The following ZNF569 variants were observed in gnomAD, a reference collection of about 807,000 sequenced individuals.
ZNF569 encodes zinc finger protein 569, also known as DNA-binding protein.
A neutral mutation model predicts 56.3 loss-of-function variants in ZNF569; 38 were observed. The observed-to-expected ratio is 0.68, with a 90% CI of 0.52 to 0.88. The LOEUF is 0.88. Ranked by LOEUF, ZNF569 falls within the 40% of genes least tolerant of loss-of-function variation. ZNF569 has a pLI of 0.00. For synonymous variants in ZNF569, 241 were observed against 262.9 expected (o/e 0.92, Z 0.81); for missense variants, 666 against 809.2 (o/e 0.82, Z 2.15).
intron 3 of ZNF569, among the ~76,000 whole-genome samples, chr19:37,433,246 A>G (rs2041254986): frequency 6.6e-6 from 1 of 152,206 alleles, no homozygotes; most frequent in Non-Finnish European, 1.5e-5. Flanking sequence ...AGAATTGATC[A>G]AGCAGAGGAA....
At position 37,412,987 on chromosome 19, in the gene ZNF569, T is replaced by G. The variant is rs2040863365; in HGVS notation, c.1671A>C (p.Lys557Asn). Residue 557 changes from lysine (K) to asparagine (N), a missense_variant, in exon 6 of 6, where the codon AAA becomes AAC. By Grantham distance (94) the Lys-to-Asn change is moderately conservative. Transcript: ENST00000316950. ...EKPYECDKCG[K>N]AFSQCSLLNL... ...TAAGCAGTGAGCACTGAGAGAAGGC[T>G]TTACCACATTTATCACATTCATAAG... The G allele has an allele frequency of 1.2e-6, 2 of 1,613,790 alleles. No homozygotes were observed. The highest frequency in any genetic ancestry group is 1.7e-6 in the Non-Finnish European group (2 of 1,179,876).
chr19:37,454,537 G>C (rs2041643001), intron 2 of ZNF569, among the ~76,000 whole-genome samples: 1 of 151,974 alleles, frequency 6.6e-6, no homozygotes, highest in South Asian at 2.1e-4. Context: ...AACTGCAATA[G>C]CTTTCTACAA....
intron 5 of ZNF569, among the ~76,000 whole-genome samples, chr19:37,418,685 A>G (rs556385990): frequency 6.6e-6 from 1 of 152,312 alleles, no homozygotes; most frequent in South Asian, 2.1e-4. Context: ...ACAAAATTGA[A>G]TGGAAGTCTG....
chr19:37,444,937 G>A lies in ZNF569; in HGVS notation c.-16C>T. The A allele has an allele frequency of 6.2e-7, 1 of 1,607,638 alleles. No individual in the cohort carries two copies. Among genetic ancestry groups the A allele is most frequent in the Non-Finnish European group, 8.5e-7 (1 of 1,177,558 alleles). Reference sequence around the variant, plus strand: ...ACTCAGTCATTTCCTCTTCTTTCTGGGAAGGGATGGGGCCTGCAGAAGTAG... The same window carrying A: ...ACTCAGTCATTTCCTCTTCTTTCTGAGAAGGGATGGGGCCTGCAGAAGTAG... On this transcript the variant is annotated 5_prime_UTR_variant, in exon 3 of 6. Coordinates refer to ENST00000316950, the MANE Select transcript of ZNF569 (RefSeq NM_152484.3).
At chr19:37,449,017 G>C (rs1477825240) in intron 2 of ZNF569, among the ~76,000 whole-genome samples, 1 of 151,982 alleles carries the variant, frequency 6.6e-6, no homozygotes, top group African/African-American at 2.4e-5. Flanking sequence ...ACATATTTTG[G>C]TGTGCTGTAT....
chr19:37,425,344 CAG>C (rs1443868698), intron 5 of ZNF569, among the ~76,000 whole-genome samples: 2 of 109,978 alleles, frequency 1.8e-5, no homozygotes, highest in South Asian at 3.2e-4. Context: ...TTTTTTTTGA[CAG>C]AGTCTTGCTC....
At chr19:37,418,783 T>C (rs1164401435) in intron 5 of ZNF569, among the ~76,000 whole-genome samples, 1 of 152,018 alleles carries the variant, frequency 6.6e-6, no homozygotes, top group East Asian at 1.9e-4. Context: ...TCTGGAGAAA[T>C]GGAACCAGAT....
chr19:37,428,079 G>A (rs931922076), intron 3 of ZNF569, among the ~76,000 whole-genome samples: 17 of 152,176 alleles, frequency 1.1e-4, no homozygotes, highest in Non-Finnish European at 2.4e-4. Context: ...CCTAGCTCAA[G>A]AGTGAGAGAA....
At chr19:37,459,882 G>A (rs1361329866) in intron 2 of ZNF569, among the ~76,000 whole-genome samples, 1 of 152,130 alleles carries the variant, frequency 6.6e-6, no homozygotes, top group Non-Finnish European at 1.5e-5. Context: ...ATTTTCAAAA[G>A]TGAATTTAGA....
chr19:37,444,536 T>C (rs1180720760), intron 3 of ZNF569, among the ~76,000 whole-genome samples: 1 of 152,216 alleles, frequency 6.6e-6, no homozygotes, highest in African/African-American at 2.4e-5. Flanking sequence ...TCAAAAGAGC[T>C]AGGTTTATCA....
intron 3 of ZNF569, among the ~76,000 whole-genome samples, chr19:37,426,610 A>G (rs1221395126): frequency 1.3e-5 from 2 of 152,240 alleles, no homozygotes; most frequent in African/African-American, 4.8e-5. Flanking sequence ...TGAAAGAAAC[A>G]TAAAAATAAA....
chr19:37,445,103 A>G (rs1454470221), intron 2 of ZNF569, 139 bp from the exon 3 acceptor site: 42 of 652,642 alleles, frequency 6.4e-5, no homozygotes. Flanking sequence ...TCATACCACA[A>G]AGGTTCTTAA....
intron 2 of ZNF569, among the ~76,000 whole-genome samples, chr19:37,448,656 C>T (rs988608719): frequency 6.7e-6 from 1 of 149,872 alleles, no homozygotes; most frequent in Non-Finnish European, 1.5e-5. Context: ...CTCCGCCTCC[C>T]GGGTTCACGC....
At chr19:37,464,357 T>C (rs1568754304) in intron 2 of ZNF569, among the ~76,000 whole-genome samples, 1 of 152,082 alleles carries the variant, frequency 6.6e-6, no homozygotes. Flanking sequence ...GCCTGGCTAA[T>C]TTTTTGTATT....
upstream of ZNF569, chr19:37,469,050 T>C (rs1383929508): frequency 2.0e-6 from 2 of 994,172 alleles, no homozygotes; most frequent in African/African-American, 3.5e-5. Flanking sequence ...CGCAGAGCGC[T>C]TGTGCCTGCG....
chr19:37,414,861 A>T (rs2040902194), intron 5 of ZNF569, among the ~76,000 whole-genome samples: 1 of 152,150 alleles, frequency 6.6e-6, no homozygotes, highest in Non-Finnish European at 1.5e-5. Context: ...ACACTACAAG[A>T]TGCAAAAAAC....
chr19:37,442,397 G>A (rs1047750736), intron 3 of ZNF569, among the ~76,000 whole-genome samples: 1 of 152,172 alleles, frequency 6.6e-6, no homozygotes, highest in African/African-American at 2.4e-5. Flanking sequence ...TCAAAGCGGG[G>A]AAAGGTTAGT....
chr19:37,423,990 T>C, intron 5 of ZNF569, among the ~76,000 whole-genome samples: 1 of 152,290 alleles, frequency 6.6e-6, no homozygotes. Context: ...TATATATGTA[T>C]ATGTATATAT....
At chr19:37,455,783 A>T (rs1427154211) in intron 2 of ZNF569, among the ~76,000 whole-genome samples, 4 of 152,114 alleles carry the variant, frequency 2.6e-5, no homozygotes, top group African/African-American at 7.2e-5. Flanking sequence ...TTAAATCACA[A>T]GGGAAAAGGG....
Sources: gnomAD v4.1 joint callset for allele counts (sites outside exome capture counted in the v4.1 genomes callset) on GRCh38, gnomAD v4.1.1 for gene constraint, MANE v1.5 for transcripts, NCBI Gene and HGNC (gene_info 2026-07-23, HGNC 2026-07-21) for gene names.